Variants in SPATA6 observed in about 807,000 individuals in gnomAD.
SPATA6 encodes the protein spermatogenesis-associated protein 6.
A neutral mutation model predicts 65.3 loss-of-function variants in SPATA6; 56 were observed. The observed-to-expected ratio is 0.86, with a 90% CI of 0.69 to 1.07. SPATA6 has a LOEUF of 1.07. SPATA6 is among the 50% of genes least tolerant of loss of function. SPATA6 has a pLI of 0.00. For missense variants in SPATA6, 590 were observed against 594.8 expected, an observed-to-expected ratio of 0.99 and a Z score of 0.08; for synonymous variants, 199 against 213.2, an observed-to-expected ratio of 0.93 and a Z score of 0.58.
chr1:48,415,294 C>T lies in SPATA6; in HGVS notation c.239-2143G>A, dbSNP rs531804695. On this transcript the variant is annotated intron_variant, in intron 3 of 12. Transcript: ENST00000371847. ...CGCAAGTAGTTTTTGGGTTAGGTTG[C>T]GATGGCCTTTGTGCAAGGCTTAGAT... 3.3e-4 allele frequency among the ~76,000 whole-genome samples: 50 copies of T among 152,290 alleles called. 1 individual carries two copies. In the South Asian group the frequency reaches 8.3e-3, roughly 25 times the overall value.
intron 3 of SPATA6, among the ~76,000 whole-genome samples, chr1:48,441,672 G>A (rs1655497536): frequency 6.6e-6 from 1 of 152,078 alleles, no homozygotes; most frequent in Non-Finnish European, 1.5e-5. Flanking sequence ...AATAGCTCTT[G>A]GGGTCCTTAC....
At chr1:48,281,046 C>T in the SPATA6 span, among the ~76,000 whole-genome samples, 1 of 152,018 alleles carries the variant, frequency 6.6e-6, no homozygotes, top group African/African-American at 2.4e-5. Context: ...AATCAATAAA[C>T]ATAATCCAGC....
At chr1:48,314,362 A>G (rs1263678741) in intron 11 of SPATA6, among the ~76,000 whole-genome samples, 6 of 152,306 alleles carry the variant, frequency 3.9e-5, no homozygotes, top group Middle Eastern at 3.4e-3. Context: ...CAGTGCAATC[A>G]AACTAGAACT....
At chr1:48,392,776 AT>A (rs1650199560) in intron 8 of SPATA6, among the ~76,000 whole-genome samples, 1 of 152,176 alleles carries the variant, frequency 6.6e-6, no homozygotes, top group Admixed American at 6.5e-5. Flanking sequence ...TTCAAGAAGA[AT>A]TTCTATTAAA....
In SPATA6 at chr1:48,341,926, T is replaced by C. The variant is rs192901694; in HGVS notation, c.1194+13744A>G. On this transcript the variant is annotated intron_variant, in intron 11 of 12. Coordinates refer to ENST00000371847, the MANE Select transcript of SPATA6 (RefSeq NM_019073.4). ...GCATCCACTAAGGGGTCTTGGAACA[T>C]ATCCCCTAAAGATAAGGAGGACTAC... Among the ~76,000 whole-genome samples, 403 of 152,324 alleles carry C rather than the reference T, an allele frequency of 2.6e-3. 2 individuals carry two copies. Among genetic ancestry groups the C allele is most frequent in the Middle Eastern group, 6.8e-3 (2 of 294 alleles).
intron 1 of SPATA6, 38 bp downstream of exon 1, chr1:48,471,920 G>C (rs987735375): frequency 6.2e-7 from 1 of 1,607,896 alleles, no homozygotes; most frequent in Non-Finnish European, 8.5e-7. Context: ...GAGTCCCTGA[G>C]CCAATGCCCG....
intron 3 of SPATA6, among the ~76,000 whole-genome samples, chr1:48,437,538 T>C (rs1319703349): frequency 1.3e-5 from 2 of 152,210 alleles, no homozygotes; most frequent in African/African-American, 4.8e-5. Flanking sequence ...TTTTTCAGTA[T>C]TTTGCTGTTC....
intron 1 of SPATA6, 91 bp from the exon 2 acceptor site, chr1:48,453,222 A>G (rs1216225152): frequency 2.3e-6 from 3 of 1,332,718 alleles, no homozygotes; most frequent in African/African-American, 3.0e-5. Flanking sequence ...ACATAAAAAC[A>G]TTAGTCTGGT....
At chr1:48,293,558 A>C (rs1397920527), downstream of SPATA6, among the ~76,000 whole-genome samples, 1 of 152,078 alleles carries the variant, frequency 6.6e-6, no homozygotes, top group Non-Finnish European at 1.5e-5. Flanking sequence ...AATATCTTAT[A>C]TGTTTTTCCC....
intron 9 of SPATA6, among the ~76,000 whole-genome samples, chr1:48,364,005 T>A (rs1041757381): frequency 2.6e-5 from 4 of 151,730 alleles, no homozygotes; most frequent in Admixed American, 2.0e-4. Context: ...CCTGTGTCCA[T>A]GTGCTCTCCT....
chr1:48,268,324 G>GTGTT, the SPATA6 span, among the ~76,000 whole-genome samples: 1 of 151,782 alleles, frequency 6.6e-6, no homozygotes, highest in African/African-American at 2.4e-5. Flanking sequence ...GTGTGTGTGT[G>GTGTT]TGTGTGTGTT....
the SPATA6 span, among the ~76,000 whole-genome samples, chr1:48,281,585 T>A: frequency 6.6e-6 from 1 of 151,816 alleles, no homozygotes; most frequent in African/African-American, 2.4e-5. Flanking sequence ...CCATTCACAA[T>A]TGCTTCAAAG....
intron 11 of SPATA6, among the ~76,000 whole-genome samples, chr1:48,321,550 T>C (rs989237100): frequency 2.6e-5 from 4 of 152,092 alleles, no homozygotes; most frequent in Admixed American, 1.3e-4. Flanking sequence ...GCTAAAGAGA[T>C]AGATCCCAAT....
intron 1 of SPATA6, among the ~76,000 whole-genome samples, chr1:48,466,518 A>G (rs1657819237): frequency 6.6e-6 from 1 of 152,110 alleles, no homozygotes. Context: ...TAGGGAGGAA[A>G]AAGTGGTCAG....
chr1:48,471,900 G>A, intron 1 of SPATA6, 58 bp downstream of exon 1: 2 of 1,591,916 alleles, frequency 1.3e-6, no homozygotes, highest in South Asian at 1.1e-5. Flanking sequence ...GCTCTCGGAG[G>A]TGACTGAGGG....
the SPATA6 span, among the ~76,000 whole-genome samples, chr1:48,271,801 T>C: frequency 6.6e-6 from 1 of 152,146 alleles, no homozygotes; most frequent in Non-Finnish European, 1.5e-5. Context: ...GTCCAGTTTG[T>C]GATGCCATGG....
chr1:48,299,703 A>G (rs1315878349), intron 12 of SPATA6, among the ~76,000 whole-genome samples: 1 of 152,082 alleles, frequency 6.6e-6, no homozygotes, highest in Non-Finnish European at 1.5e-5. Context: ...GTTATTAAAT[A>G]TGAGACACTA....
At chr1:48,439,184 A>AC (rs1260927193) in intron 3 of SPATA6, among the ~76,000 whole-genome samples, 4 of 152,154 alleles carry the variant, frequency 2.6e-5, no homozygotes, top group Non-Finnish European at 5.9e-5. Context: ...AGTAAGAGCC[A>AC]CTAAATCCAA....
At chr1:48,315,894 GAACA>G (rs1557549415) in intron 11 of SPATA6, among the ~76,000 whole-genome samples, 3 of 150,386 alleles carry the variant, frequency 2.0e-5, no homozygotes, top group South Asian at 2.1e-4. Flanking sequence ...TATATACCAA[GAACA>G]AACAGAGAGC....
Sources: gnomAD v4.1 joint callset for allele counts (sites outside exome capture counted in the v4.1 genomes callset) on GRCh38, gnomAD v4.1.1 for gene constraint, MANE v1.5 for transcripts, NCBI Gene and HGNC (gene_info 2026-07-23, HGNC 2026-07-21) for gene names.